Variants in CFAP54 observed in about 807,000 individuals in gnomAD.
The protein encoded by CFAP54 is cilia- and flagella-associated protein 54.
CFAP54 carries 290 observed loss-of-function variants against 370.4 expected under a neutral mutation model. The ratio of observed to expected loss-of-function variants is 0.78; its 90% confidence interval spans 0.71 to 0.86. The LOEUF is 0.86. Among genes scored for constraint, CFAP54 ranks in the 40% least tolerant of loss-of-function variants. CFAP54 has a pLI of 0.00. For synonymous variants in CFAP54, 1,206 were observed against 1,236.5 expected, an observed-to-expected ratio of 0.98 and a Z score of 0.52; for missense variants, 3,399 against 3,528.7, an observed-to-expected ratio of 0.96 and a Z score of 0.93.
chr12:96,828,401 TCTC>T (rs1262419783), intron 65 of CFAP54, among the ~76,000 whole-genome samples: 5 of 152,108 alleles, frequency 3.3e-5, no homozygotes, highest in African/African-American at 1.2e-4. Flanking sequence ...GTCTCTATCT[TCTC>T]CTCTGTCTTC....
At position 96,784,811 on chromosome 12, in the gene CFAP54, C is replaced by T. The variant is rs1958613314; in HGVS notation, c.8376C>T (p.Thr2792=). The T allele has an allele frequency of 3.3e-6, 5 of 1,534,332 alleles. No individual in the cohort carries two copies. The highest frequency in any genetic ancestry group is 4.4e-6 in the Non-Finnish European group (5 of 1,145,736). Residue 2792 remains threonine (T), a synonymous_variant, in exon 61 of 68, where the codon ACC becomes ACT. Coordinates refer to ENST00000524981, the MANE Select transcript of CFAP54 (RefSeq NM_001306084.2). ...DSADGRKKTQ[T]KVDITWILLL... is the part of the protein sequence containing the mutation. The stretch of plus-strand genomic sequence containing the variant: ...CAGATGGTAGAAAAAAGACTCAGAC[C>T]AAAGTGGATATTACATGGATCCTTC...
intron 55 of CFAP54, among the ~76,000 whole-genome samples, chr12:96,751,397 T>G (rs1958181630): frequency 6.6e-6 from 1 of 152,142 alleles, no homozygotes; most frequent in African/African-American, 2.4e-5. Context: ...TAGAAGACAA[T>G]TCAAGTATTA....
intron 38 of CFAP54, among the ~76,000 whole-genome samples, chr12:96,659,681 A>G (rs1956969539): frequency 6.6e-6 from 1 of 152,222 alleles, no homozygotes; most frequent in South Asian, 2.1e-4. Flanking sequence ...AGAGATAAGT[A>G]CATTTTTCCA....
chr12:96,666,965 C>G (rs764563332), intron 39 of CFAP54, among the ~76,000 whole-genome samples: 2 of 152,214 alleles, frequency 1.3e-5, no homozygotes, highest in Non-Finnish European at 2.9e-5. Flanking sequence ...AGTGGGGGTA[C>G]AGGCATTGGA....
intron 50 of CFAP54, among the ~76,000 whole-genome samples, chr12:96,733,223 C>T (rs1565958261): frequency 6.6e-6 from 1 of 152,164 alleles, no homozygotes; most frequent in Non-Finnish European, 1.5e-5. Context: ...TAGGGGAAGC[C>T]TACTGTCAAG....
chr12:96,583,050 C>T (rs974954870), intron 22 of CFAP54, among the ~76,000 whole-genome samples: 2 of 152,042 alleles, frequency 1.3e-5, no homozygotes, highest in African/African-American at 4.8e-5. Flanking sequence ...AGCATGGAGA[C>T]GTTTCACTAA....
intron 34 of CFAP54, among the ~76,000 whole-genome samples, chr12:96,649,347 C>T (rs1250797306): frequency 2.0e-5 from 3 of 152,034 alleles, no homozygotes; most frequent in Non-Finnish European, 4.4e-5. Context: ...TGGCTCTCTA[C>T]CTAAGACCTA....
Position 96,527,390 on chromosome 12 carries a change from G to A in CFAP54, c.1303G>A (p.Glu435Lys). ...QTGPIVTDEV[E>K]IHDVVSELFM... Reference sequence around the variant, plus strand: ...TGGACCCATTGTTACAGATGAAGTGGAGATTCATGATGTTGTCTCAGAATT... The same window carrying A: ...TGGACCCATTGTTACAGATGAAGTGAAGATTCATGATGTTGTCTCAGAATT... Residue 435 changes from glutamate to lysine, a missense_variant, in exon 9 of 68, where the codon GAG becomes AAG. Transcript: ENST00000524981. 1 of 1,533,930 alleles carries A rather than the reference G, an allele frequency of 6.5e-7. No homozygotes were observed. Among genetic ancestry groups the A allele is most frequent in the Non-Finnish European group, 8.7e-7 (1 of 1,145,616 alleles).
chr12:96,659,725 A>G (rs943957235), intron 38 of CFAP54, among the ~76,000 whole-genome samples: 1 of 152,204 alleles, frequency 6.6e-6, no homozygotes, highest in Non-Finnish European at 1.5e-5. Context: ...TGACTACCCA[A>G]TCAGACCCAT....
chr12:96,490,089 G>C (rs541098470), intron 1 of CFAP54, among the ~76,000 whole-genome samples, 163 bp downstream of exon 1: 1 of 152,138 alleles, frequency 6.6e-6, no homozygotes, highest in South Asian at 2.1e-4. Flanking sequence ...GAGACTCGTC[G>C]CTCTTAACAA....
At chr12:96,504,994 T>TTC (rs1565877525) in intron 3 of CFAP54, among the ~76,000 whole-genome samples, 8 of 148,916 alleles carry the variant, frequency 5.4e-5, no homozygotes, top group Non-Finnish European at 1.2e-4. Flanking sequence ...TCTTCTTTCT[T>TTC]TTTCTTTCTT....
chr12:96,757,477 A>G lies in CFAP54; in HGVS notation c.7947-18A>G. On this transcript the variant is annotated intron_variant, in intron 57 of 67. Coordinates refer to ENST00000524981, the MANE Select transcript of CFAP54 (RefSeq NM_001306084.2). ...CATGGTGAAGCTATTTAATAAGTAC[A>G]GTGCTATATCATTTTAGATTGATAA... 7.4e-7 allele frequency: 1 copy of G among 1,357,216 alleles called. No individual in the cohort carries two copies. The highest frequency in any genetic ancestry group is 1.0e-6 in the Non-Finnish European group (1 of 958,226). 84.1% of individuals were successfully genotyped at this position (1,357,216 alleles called of 1,614,324 possible). A position where few individuals can be genotyped will look rare whatever the true frequency, so the allele number is the denominator to read the frequency against.
intron 65 of CFAP54, among the ~76,000 whole-genome samples, chr12:96,821,452 GTTC>G (rs1001517162): frequency 8.6e-5 from 13 of 152,014 alleles, no homozygotes; most frequent in Non-Finnish European, 1.5e-4. Context: ...CACTCTTAAT[GTTC>G]TTCTTTGTGT....
intron 26 of CFAP54, among the ~76,000 whole-genome samples, chr12:96,608,862 A>G (rs977848241): frequency 5.3e-5 from 8 of 152,212 alleles, no homozygotes; most frequent in African/African-American, 1.7e-4. Context: ...GGGAGAAAAA[A>G]TGGCTAATTT....
intron 63 of CFAP54, among the ~76,000 whole-genome samples, chr12:96,807,338 A>G (rs1339199229): frequency 6.6e-6 from 1 of 152,186 alleles, no homozygotes; most frequent in Non-Finnish European, 1.5e-5. Context: ...TTACTAATTA[A>G]TAAAACATTT....
chr12:96,743,545 A>G lies in CFAP54; in HGVS notation c.7363A>G (p.Met2455Val). Reference sequence around the variant, plus strand: ...AGAAAAGCATTTAAAGGCAGACATCATGACAAACCTTCAGGTAGAAAGGAA... The same window carrying G: ...AGAAAAGCATTTAAAGGCAGACATCGTGACAAACCTTCAGGTAGAAAGGAA... ...LQEKHLKADI[M>V]TNLQDIIHLL... Residue 2455 changes from methionine (M) to valine (V), a missense_variant, in exon 53 of 68, where the codon ATG becomes GTG. By Grantham distance (21) the Met-to-Val change is conservative. Coordinates refer to ENST00000524981, the MANE Select transcript of CFAP54 (RefSeq NM_001306084.2). The G allele has an allele frequency of 6.2e-7, 1 of 1,614,036 alleles. No homozygotes were observed. The highest frequency in any genetic ancestry group is 8.5e-7 in the Non-Finnish European group (1 of 1,179,944).
chr12:96,648,029 A>G lies in CFAP54; in HGVS notation c.4690+12A>G, dbSNP rs1294840182. On this transcript the variant is annotated intron_variant, in intron 34 of 67. Coordinates refer to ENST00000524981, the MANE Select transcript of CFAP54 (RefSeq NM_001306084.2). ...CAACTTACCATCAGGTAAAATAAAC[A>G]TGTTAGTTTATTATTAAATTACCTC... 6.7e-7 allele frequency: 1 copy of G among 1,483,100 alleles called. No individual in the cohort carries two copies. Among genetic ancestry groups the G allele is most frequent in the African/African-American group, 1.4e-5 (1 of 69,916 alleles). 91.9% of individuals were successfully genotyped at this position (1,483,100 alleles called of 1,614,324 possible). A position where few individuals can be genotyped will look rare whatever the true frequency, so the allele number is the denominator to read the frequency against.
chr12:96,670,301 AAGAATT>A (rs1362443297), intron 39 of CFAP54, among the ~76,000 whole-genome samples: 1 of 152,180 alleles, frequency 6.6e-6, no homozygotes, highest in Non-Finnish European at 1.5e-5. Flanking sequence ...ACCCCAATAA[AAGAATT>A]ATAATTATGC....
intron 60 of CFAP54, among the ~76,000 whole-genome samples, chr12:96,776,165 C>T (rs1396818826): frequency 6.6e-6 from 1 of 151,912 alleles, no homozygotes; most frequent in African/African-American, 2.4e-5. Context: ...AAAAAGAAAA[C>T]TTCTCACAAA....
Sources: allele counts gnomAD v4.1 joint callset (sites outside exome capture counted in the v4.1 genomes callset), GRCh38; gene constraint gnomAD v4.1.1; transcripts MANE v1.5; gene names NCBI Gene and HGNC (gene_info 2026-07-23, HGNC 2026-07-21).